ADAM28: variants seen among roughly 807,000 people sequenced by gnomAD.
ADAM28 encodes the protein disintegrin and metalloproteinase domain-containing protein 28.
A neutral mutation model predicts 101.2 loss-of-function variants in ADAM28; 105 were observed. The ratio of observed to expected loss-of-function variants is 1.04; its 90% confidence interval spans 0.89 to 1.22. ADAM28 has a LOEUF of 1.22. ADAM28 is among the 50% of genes most tolerant of loss of function. ADAM28 has a pLI of 0.00. For synonymous variants in ADAM28, 322 were observed against 310.6 expected (o/e 1.04, Z -0.39); for missense variants, 1,028 against 945.4 (o/e 1.09, Z -1.15).
intron 10 of ADAM28, among the ~76,000 whole-genome samples, chr8:24,327,047 G>T (rs992407214): frequency 2.0e-5 from 3 of 152,048 alleles, no homozygotes; most frequent in African/African-American, 4.8e-5. Flanking sequence ...TCTGGCCAGG[G>T]CAATCAGGCA....
intron 14 of ADAM28, 40 bp from the exon 15 acceptor site, chr8:24,339,426 A>G (rs574356207): frequency 3.3e-6 from 5 of 1,492,820 alleles, no homozygotes; most frequent in Non-Finnish European, 4.6e-6. Context: ...GAATCTCAAA[A>G]ATCTATTTTC....
chr8:24,310,072 A>G, intron 3 of ADAM28, 91 bp from the exon 4 acceptor site: 1 of 1,511,582 alleles, frequency 6.6e-7, no homozygotes, highest in South Asian at 1.1e-5. Context: ...AACCTGGACT[A>G]ATCAGCGTTT....
chr8:24,317,780 G>A (rs1459979688), intron 6 of ADAM28, among the ~76,000 whole-genome samples: 1 of 151,914 alleles, frequency 6.6e-6, no homozygotes, highest in Non-Finnish European at 1.5e-5. Flanking sequence ...AATATATAGA[G>A]GTAGAGAATA....
chr8:24,315,135 T>A (rs1810996643), intron 6 of ADAM28, among the ~76,000 whole-genome samples: 1 of 151,476 alleles, frequency 6.6e-6, no homozygotes, highest in East Asian at 1.9e-4. Flanking sequence ...AGATAAAGAG[T>A]GGCTGAATGG....
chr8:24,294,706 A>AT (rs1386222411), intron 1 of ADAM28, among the ~76,000 whole-genome samples: 3 of 152,148 alleles, frequency 2.0e-5, no homozygotes, highest in Non-Finnish European at 1.5e-5. Context: ...AATAATTAAT[A>AT]TTTTTTATTT....
chr8:24,354,162 TTATGC>T (rs1816503387), intron 22 of ADAM28, among the ~76,000 whole-genome samples: 1 of 152,100 alleles, frequency 6.6e-6, no homozygotes, highest in Non-Finnish European at 1.5e-5. Flanking sequence ...CTTCTCCATA[TTATGC>T]TAATTACCGG....
At chr8:24,343,672 TTC>T (rs1815064739) in intron 18 of ADAM28, 88 bp downstream of exon 18, 1 of 1,186,198 alleles carries the variant, frequency 8.4e-7, no homozygotes, top group Admixed American at 2.0e-5. Flanking sequence ...ACTGCTTCTT[TTC>T]TCTGTTCTTG....
rs1270186349 is a variant in ADAM28, at chr8:24,313,424, T to G, written c.420T>G (p.Ile140Met). 1.2e-6 allele frequency: 2 copies of G among 1,612,854 alleles called. No individual in the cohort carries two copies. The highest frequency in any genetic ancestry group is 1.7e-5 in the Admixed American group (1 of 59,806). ...GTCAGGGGGATCAAAGATACTTTAT[T>G]GAACCTTTAAGCCCCATACATCGGG... ...YFSQGDQRYF[I>M]EPLSPIHRDG... Residue 140 changes from isoleucine (I) to methionine (M), a missense_variant, in exon 6 of 23, where the codon ATT (isoleucine) becomes ATG (methionine). Transcript: ENST00000265769.
chr8:24,317,856 G>A (rs1273905062), intron 6 of ADAM28, among the ~76,000 whole-genome samples: 1 of 152,000 alleles, frequency 6.6e-6, no homozygotes, highest in African/African-American at 2.4e-5. Flanking sequence ...AGGATACCAA[G>A]TAGCCAAATA....
chr8:24,318,838 A>G (rs1211433323), intron 6 of ADAM28, among the ~76,000 whole-genome samples: 1 of 152,036 alleles, frequency 6.6e-6, no homozygotes, highest in Non-Finnish European at 1.5e-5. Flanking sequence ...TAACCATGGC[A>G]ACAGCCTCTG....
chr8:24,320,227 A>G lies in ADAM28; in HGVS notation c.577-9A>G, dbSNP rs371928859. The G allele has an allele frequency of 4.3e-5, 67 of 1,559,266 alleles. No homozygotes were observed. The highest frequency in any genetic ancestry group is 5.5e-5 in the Non-Finnish European group (63 of 1,135,284). ...TATTGTATCAGTAATTCTACTCTTTATATTTCAGAAATTGAAAGACAGGAA... is the reference window on the plus strand; with the variant it reads ...TATTGTATCAGTAATTCTACTCTTTGTATTTCAGAAATTGAAAGACAGGAA... On this transcript the variant is annotated splice_polypyrimidine_tract_variant and intron_variant, in intron 6 of 22. Transcript: ENST00000265769.
chr8:24,313,100 A>G (rs1214720052), intron 5 of ADAM28, among the ~76,000 whole-genome samples: 1 of 152,224 alleles, frequency 6.6e-6, no homozygotes, highest in African/African-American at 2.4e-5. Context: ...AGAATGCTGT[A>G]CCAAGTGTCA....
In ADAM28 at chr8:24,358,350, G is replaced by A. The variant is rs1254648210; in HGVS notation, c.*3946G>A. On this transcript the variant is annotated 3_prime_UTR_variant, in exon 23 of 23. Transcript: ENST00000265769. Reference sequence around the variant, plus strand: ...CAAAGAATCCATCTCTTGAGCGTAAGCTAAATAATTTGCATACACTAGCAT... The same window carrying A: ...CAAAGAATCCATCTCTTGAGCGTAAACTAAATAATTTGCATACACTAGCAT... 6.6e-6 allele frequency: 1 copy of A among 152,214 alleles called. No homozygotes were observed. The highest frequency in any genetic ancestry group is 1.9e-4 in the East Asian group (1 of 5,200). 9.4% of individuals were successfully genotyped at this position (152,214 alleles called of 1,614,324 possible). A position where few individuals can be genotyped will look rare whatever the true frequency, so the allele number is the denominator to read the frequency against.
intron 15 of ADAM28, chr8:24,341,373 A>T: frequency 2.5e-6 from 1 of 399,304 alleles, no homozygotes; most frequent in Non-Finnish European, 4.4e-6. Context: ...CAACTGGCAA[A>T]AATTAGGTGT....
chr8:24,335,920 A>T, intron 14 of ADAM28: 1 of 1,118,526 alleles, frequency 8.9e-7, no homozygotes, highest in East Asian at 4.0e-5. Flanking sequence ...GCAATATTTG[A>T]GGTGTGCTCA....
At chr8:24,310,602 C>G (rs1052878237) in intron 4 of ADAM28, among the ~76,000 whole-genome samples, 3 of 152,086 alleles carry the variant, frequency 2.0e-5, no homozygotes, top group African/African-American at 4.8e-5. Context: ...TCCTCAATGG[C>G]AATTGCAGAA....
rs1554523032 is a variant in ADAM28 at position 24,351,759 on chromosome 8, A to ATCATT, written c.2179-226_2179-222dup. ...CTGAAGTTGGTTAATAACATTGGTA[A>ATCATT]TCATTTATAACATTGGTAATCATTT... On this transcript the variant is annotated intron_variant, in intron 20 of 22. Transcript: ENST00000265769. Among the ~76,000 whole-genome samples, 455 of 150,848 alleles carry ATCATT rather than the reference A, an allele frequency of 3.0e-3. 1 individual carries two copies. Among genetic ancestry groups the ATCATT allele is most frequent in the Non-Finnish European group, 4.1e-3 (280 of 67,636 alleles).
intron 10 of ADAM28, among the ~76,000 whole-genome samples, chr8:24,327,547 A>G (rs1812787016): frequency 1.3e-5 from 2 of 152,298 alleles, no homozygotes; most frequent in South Asian, 4.1e-4. Flanking sequence ...TTTAAATTTC[A>G]TATGGAACCA....
chr8:24,324,747 T>A (rs1053927534), intron 9 of ADAM28, among the ~76,000 whole-genome samples: 8 of 151,988 alleles, frequency 5.3e-5, no homozygotes, highest in Non-Finnish European at 1.0e-4. Context: ...GCTGGAACAG[T>A]GAGTCTGGTT....
Sources: gnomAD v4.1 joint callset for allele counts (sites outside exome capture counted in the v4.1 genomes callset) on GRCh38, gnomAD v4.1.1 for gene constraint, MANE v1.5 for transcripts, NCBI Gene and HGNC (gene_info 2026-07-23, HGNC 2026-07-21) for gene names.